MAP4: variants seen among roughly 807,000 people sequenced by gnomAD.
MAP4 encodes microtubule associated protein 4, also known as microtubule-associated protein 4.
MAP4 carries 76 observed loss-of-function variants against 170.2 expected under a neutral mutation model. The observed-to-expected ratio is 0.45, with a 90% CI of 0.37 to 0.54. The LOEUF (loss-of-function observed/expected upper bound fraction) is 0.54, where lower values mean the gene tolerates loss of function less well. Among genes scored for constraint, MAP4 ranks in the 20% least tolerant of loss-of-function variants. The pLI, the probability that MAP4 is intolerant of heterozygous loss-of-function variation, is 0.00. For missense variants in MAP4, 2,506 were observed against 2,748.0 expected (o/e 0.91, Z 1.97); for synonymous variants, 909 against 994.5 (o/e 0.91, Z 1.62).
intron 1 of MAP4, among the ~76,000 whole-genome samples, chr3:48,074,250 T>C (rs56067795): frequency 0.62 from 88,187 of 143,072 alleles, 27,861 homozygotes; most frequent in East Asian, 0.71. Flanking sequence ...TAGGTGGGAA[T>C]TGAACAATGA....
intron 1 of MAP4, among the ~76,000 whole-genome samples, chr3:48,056,475 C>T (rs2100131722): frequency 3.3e-5 from 2 of 60,824 alleles, no homozygotes; most frequent in Non-Finnish European, 6.8e-5. Context: ...GCCGCCCCGT[C>T]CGGGAGGGAG....
intron 1 of MAP4, among the ~76,000 whole-genome samples, chr3:48,005,079 C>T (rs559552274): frequency 2.6e-5 from 4 of 152,222 alleles, no homozygotes; most frequent in African/African-American, 7.2e-5. Context: ...GAACTGTTCT[C>T]GGCCAGGCAC....
intron 3 of MAP4, among the ~76,000 whole-genome samples, chr3:47,936,828 A>C (rs2100053209): frequency 6.6e-6 from 1 of 151,918 alleles, no homozygotes; most frequent in African/African-American, 2.4e-5. Context: ...TAAAAATATA[A>C]AATTAGCCAG....
At chr3:47,972,527 C>A in intron 3 of MAP4, among the ~76,000 whole-genome samples, 1 of 152,218 alleles carries the variant, frequency 6.6e-6, no homozygotes, top group South Asian at 2.1e-4. Flanking sequence ...CATTAAATAT[C>A]AGTAGTCATT....
intron 1 of MAP4, among the ~76,000 whole-genome samples, chr3:48,032,012 C>A (rs560556178): frequency 6.6e-6 from 1 of 152,170 alleles, no homozygotes. Flanking sequence ...AAAGCATAAC[C>A]TCTGTCTAAT....
chr3:48,054,618 A>G (rs1404927134), intron 1 of MAP4, among the ~76,000 whole-genome samples: 2 of 113,560 alleles, frequency 1.8e-5, no homozygotes, highest in Non-Finnish European at 3.3e-5. Flanking sequence ...CGACAGTGTA[A>G]GACTCCATCT....
At chr3:47,893,387 T>A (rs1457278321) in intron 10 of MAP4, among the ~76,000 whole-genome samples, 1 of 152,188 alleles carries the variant, frequency 6.6e-6, no homozygotes, top group Non-Finnish European at 1.5e-5. Flanking sequence ...AGCCTAATAA[T>A]CTGTTAGGTG....
At chr3:47,870,745 C>A (rs1576839518) in intron 15 of MAP4, 68 bp downstream of exon 15, 1 of 1,454,470 alleles carries the variant, frequency 6.9e-7, no homozygotes, top group African/African-American at 1.4e-5. Context: ...GGCCTGGGAA[C>A]AGTGGGTGGA....
In MAP4 at chr3:47,909,020, C is replaced by G. The variant is rs751066364; in HGVS notation, c.5383+18G>C. ...CAAAAGCCACAAGCACACACATTTC[C>G]CCATGGCAGGTTCATACCAGCGGAC... On this transcript the variant is annotated intron_variant, in intron 9 of 20. Transcript: ENST00000683076. The G allele has an allele frequency of 6.2e-7, 1 of 1,601,150 alleles. No individual in the cohort carries two copies. The highest frequency in any genetic ancestry group is 1.1e-5 in the South Asian group (1 of 88,864).
chr3:48,055,295 G>T (rs1319761368), intron 1 of MAP4, among the ~76,000 whole-genome samples: 1 of 151,928 alleles, frequency 6.6e-6, no homozygotes, highest in Non-Finnish European at 1.5e-5. Context: ...CTGCCATCTC[G>T]GCTCACTGCA....
rs1328400083 is a variant in MAP4, at chr3:47,959,758, C to CA, written c.292+18106dup. Among the ~76,000 whole-genome samples, 501 of 66,258 alleles carry CA rather than the reference C, an allele frequency of 7.6e-3. 4 individuals carry two copies. The highest frequency in any genetic ancestry group is 0.048 in the Middle Eastern group (4 of 84). 43.5% of individuals were successfully genotyped at this position (66,258 alleles called of 152,430 possible). On this transcript the variant is annotated intron_variant, in intron 3 of 20. Transcript: ENST00000683076. ...TGGGCGACAGAGCGAGACTCCATCTCAAAAAAAAAAAAAAAAATGTATATA... is the reference window on the plus strand; with the variant it reads ...TGGGCGACAGAGCGAGACTCCATCTCAAAAAAAAAAAAAAAAAATGTATATA...
chr3:47,873,374 A>G (rs2094148270), intron 12 of MAP4, among the ~76,000 whole-genome samples: 1 of 152,218 alleles, frequency 6.6e-6, no homozygotes, highest in South Asian at 2.1e-4. Context: ...ACAAATTACC[A>G]CATTACAAAA....
chr3:48,005,077 C>T (rs2100101460), intron 1 of MAP4, among the ~76,000 whole-genome samples: 1 of 152,142 alleles, frequency 6.6e-6, no homozygotes, highest in South Asian at 2.1e-4. Flanking sequence ...AAGAACTGTT[C>T]TCGGCCAGGC....
chr3:47,875,648 C>A (rs755545815), intron 12 of MAP4, 37 bp downstream of exon 12: 4 of 1,562,594 alleles, frequency 2.6e-6, no homozygotes, highest in Non-Finnish European at 3.5e-6. Context: ...CAGAGGGGAA[C>A]AATTTTCCTC....
At chr3:47,989,031 C>G (rs1016282279) in intron 2 of MAP4, among the ~76,000 whole-genome samples, 4 of 152,088 alleles carry the variant, frequency 2.6e-5, no homozygotes, top group African/African-American at 9.7e-5. Context: ...AGGCTGGTCT[C>G]GAACTCCTGA....
intron 2 of MAP4, among the ~76,000 whole-genome samples, chr3:47,995,250 CTTTTTTT>C (rs67017707): frequency 8.9e-6 from 1 of 112,232 alleles, no homozygotes; most frequent in African/African-American, 3.2e-5. Context: ...TTTTTCTTTT[CTTTTTTT>C]TTTTTTTTTT....
intron 2 of MAP4, among the ~76,000 whole-genome samples, chr3:47,991,836 T>C (rs1338809869): frequency 2.0e-5 from 3 of 151,860 alleles, no homozygotes; most frequent in African/African-American, 7.3e-5. Flanking sequence ...GCCCAGCTAA[T>C]TTTTTTGTGT....
At chr3:47,898,935 G>C (rs1314141152) in intron 10 of MAP4, among the ~76,000 whole-genome samples, 1 of 152,152 alleles carries the variant, frequency 6.6e-6, no homozygotes, top group East Asian at 1.9e-4. Context: ...ACTCCAGCCT[G>C]AGCGACAGAG....
intron 1 of MAP4, among the ~76,000 whole-genome samples, chr3:48,012,107 C>T (rs2100105607): frequency 6.6e-6 from 1 of 152,150 alleles, no homozygotes; most frequent in Admixed American, 6.5e-5. Context: ...CACTGTCCTG[C>T]CCACCTTGGA....
Sources: gnomAD v4.1 joint callset for allele counts (sites outside exome capture counted in the v4.1 genomes callset) on GRCh38, gnomAD v4.1.1 for gene constraint, MANE v1.5 for transcripts, NCBI Gene and HGNC (gene_info 2026-07-23, HGNC 2026-07-21) for gene names.